KAT2B: variants seen among roughly 807,000 people sequenced by gnomAD.
The protein encoded by KAT2B is histone acetyltransferase KAT2B.
In KAT2B, 36 loss-of-function variants were observed where a neutral mutation model predicts 105.9. That is an observed-to-expected ratio of 0.34 (90% CI 0.26 to 0.45). The LOEUF (loss-of-function observed/expected upper bound fraction) is 0.45, where lower values mean the gene tolerates loss of function less well. Among genes scored for constraint, KAT2B ranks in the 20% least tolerant of loss-of-function variants. KAT2B has a pLI of 1.00. For synonymous variants in KAT2B, 397 were observed against 377.9 expected (o/e 1.05, Z -0.59); for missense variants, 820 against 1,021.6 (o/e 0.80, Z 2.69).
intron 13 of KAT2B, among the ~76,000 whole-genome samples, chr3:20,140,667 T>C (rs893481461): frequency 6.6e-6 from 1 of 152,106 alleles, no homozygotes; most frequent in African/African-American, 2.4e-5. Context: ...ATTTTTCTTA[T>C]TTTTAGTGGA....
chr3:20,044,305 A>T (rs1697768285), intron 1 of KAT2B, among the ~76,000 whole-genome samples: 1 of 151,954 alleles, frequency 6.6e-6, no homozygotes, highest in African/African-American at 2.4e-5. Context: ...ATATAGTGAG[A>T]CTTCGTCTCT....
At position 20,137,068 on chromosome 3, in the gene KAT2B, C is replaced by T. The variant is rs532480355; in HGVS notation, c.1860+16C>T. On this transcript the variant is annotated intron_variant, in intron 12 of 17. Coordinates refer to ENST00000263754, the MANE Select transcript of KAT2B (RefSeq NM_003884.5). ...TAAGAAACAGGTTGGTTTCTCACCACGCAACACTGTTTTGTCACTCCTTTT... is the reference window on the plus strand; with the variant it reads ...TAAGAAACAGGTTGGTTTCTCACCATGCAACACTGTTTTGTCACTCCTTTT... 6.4e-5 allele frequency: 78 copies of T among 1,212,486 alleles called. No homozygotes were observed. The South Asian group carries it at 7.7e-4, about 12-fold the overall frequency. 75.1% of individuals were successfully genotyped at this position (1,212,486 alleles called of 1,614,324 possible).
intron 1 of KAT2B, among the ~76,000 whole-genome samples, chr3:20,054,220 CCTG>C (rs200253660): frequency 0.15 from 23,197 of 151,760 alleles, 2,107 homozygotes; most frequent in Middle Eastern, 0.22. Flanking sequence ...ATCTCCGCCT[CCTG>C]GGTTCAAGCA....
chr3:20,081,935 C>G (rs1170452958), intron 2 of KAT2B, among the ~76,000 whole-genome samples: 3 of 142,062 alleles, frequency 2.1e-5, no homozygotes, highest in East Asian at 4.1e-4. Flanking sequence ...ATATATGAGT[C>G]TCTACGTATA....
chr3:20,069,093 G>A (rs2948095), intron 1 of KAT2B, among the ~76,000 whole-genome samples: 75,973 of 149,742 alleles, frequency 0.51, 20,169 homozygotes, highest in East Asian at 0.74. Context: ...CAGACTAACA[G>A]AATACATTAA....
intron 1 of KAT2B, among the ~76,000 whole-genome samples, chr3:20,062,073 CAT>C (rs1404400049): frequency 7.1e-5 from 6 of 84,742 alleles, no homozygotes; most frequent in Admixed American, 1.9e-4. Context: ...ATATATAAAA[CAT>C]ATAATATATA....
chr3:20,113,950 A>AGAC (rs386396081), intron 6 of KAT2B, among the ~76,000 whole-genome samples: 2 of 151,796 alleles, frequency 1.3e-5, no homozygotes, highest in Non-Finnish European at 2.9e-5. Context: ...AAAATGAAGA[A>AGAC]GACCACTGAT....
At chr3:20,145,714 AGAT>A (rs1322586785) in intron 13 of KAT2B, among the ~76,000 whole-genome samples, 3 of 152,162 alleles carry the variant, frequency 2.0e-5, no homozygotes, top group Non-Finnish European at 4.4e-5. Context: ...TTGCTTTAAT[AGAT>A]GATACTTTAA....
chr3:20,140,399 A>G (rs1184827903), intron 13 of KAT2B, 35 bp downstream of exon 13: 1 of 1,608,256 alleles, frequency 6.2e-7, no homozygotes, highest in South Asian at 1.1e-5. Context: ...CCTTCTGTAC[A>G]GGCCAGTCTT....
At chr3:20,076,572 G>A (rs959105248) in intron 2 of KAT2B, among the ~76,000 whole-genome samples, 8 of 152,062 alleles carry the variant, frequency 5.3e-5, no homozygotes, top group Non-Finnish European at 7.4e-5. Context: ...TCAAACACCC[G>A]TAAAGGCAGA....
chr3:20,132,145 C>T (rs1195289270), intron 11 of KAT2B, among the ~76,000 whole-genome samples: 7 of 152,088 alleles, frequency 4.6e-5, no homozygotes, highest in African/African-American at 7.2e-5. Flanking sequence ...GAGGCTGAGG[C>T]GGGCGGATCA....
At chr3:20,056,816 C>T (rs1698011012) in intron 1 of KAT2B, among the ~76,000 whole-genome samples, 2 of 152,176 alleles carry the variant, frequency 1.3e-5, no homozygotes, top group South Asian at 2.1e-4. Context: ...ATGTTGGCTT[C>T]TTGTTCTTTG....
At chr3:20,142,564 T>G (rs1445108977) in intron 13 of KAT2B, among the ~76,000 whole-genome samples, 1 of 149,806 alleles carries the variant, frequency 6.7e-6, no homozygotes, top group East Asian at 1.9e-4. Context: ...GTAGTTGTCA[T>G]TAGTAGAGAG....
At chr3:20,109,239 T>C (rs1294962180) in intron 5 of KAT2B, among the ~76,000 whole-genome samples, 1 of 152,162 alleles carries the variant, frequency 6.6e-6, no homozygotes, top group Non-Finnish European at 1.5e-5. Context: ...TGTTTAACTC[T>C]ATGGTTTCAT....
intron 5 of KAT2B, 34 bp downstream of exon 5, chr3:20,101,502 A>T (rs1272626877): frequency 1.3e-6 from 2 of 1,597,410 alleles, no homozygotes; most frequent in Non-Finnish European, 1.7e-6. Context: ...CTTTGGCCCC[A>T]TAAAGCCTGT....
At chr3:20,114,446 A>G (rs1210295803) in intron 6 of KAT2B, among the ~76,000 whole-genome samples, 2 of 152,206 alleles carry the variant, frequency 1.3e-5, no homozygotes, top group African/African-American at 4.8e-5. Context: ...AATAGAATAT[A>G]TAACTCATAG....
At chr3:20,125,691 C>A (rs1699389609) in intron 9 of KAT2B, among the ~76,000 whole-genome samples, 1 of 152,192 alleles carries the variant, frequency 6.6e-6, no homozygotes, top group Non-Finnish European at 1.5e-5. Flanking sequence ...ACTCCAATTT[C>A]TCAAAATGCT....
chr3:20,042,931 ACT>A (rs1464510969), intron 1 of KAT2B, among the ~76,000 whole-genome samples: 8 of 150,702 alleles, frequency 5.3e-5, no homozygotes, highest in African/African-American at 2.0e-4. Flanking sequence ...ACAGGGTCTC[ACT>A]CTGCCACGTA....
chr3:20,048,153 T>C (rs1337979588), intron 1 of KAT2B, among the ~76,000 whole-genome samples: 1 of 152,116 alleles, frequency 6.6e-6, no homozygotes, highest in Non-Finnish European at 1.5e-5. Context: ...GTAAGTGTCA[T>C]AAAGCCAAGC....
Sources: allele counts gnomAD v4.1 joint callset (sites outside exome capture counted in the v4.1 genomes callset), GRCh38; gene constraint gnomAD v4.1.1; transcripts MANE v1.5; gene names NCBI Gene and HGNC (gene_info 2026-07-23, HGNC 2026-07-21).